The following GPR137B variants were observed in gnomAD, a reference collection of about 807,000 sequenced individuals.
The protein encoded by GPR137B is integral membrane protein GPR137B.
Under a neutral mutation model 42.5 loss-of-function variants are expected in GPR137B, and 42 were observed. The observed-to-expected ratio is 0.99, with a 90% CI of 0.77 to 1.28. The LOEUF (loss-of-function observed/expected upper bound fraction) is 1.28, where lower values mean the gene tolerates loss of function less well. Ranked by LOEUF, GPR137B falls within the 50% of genes most tolerant of loss-of-function variation. The pLI, the probability that GPR137B is intolerant of heterozygous loss-of-function variation, is 0.00. For synonymous variants in GPR137B, 218 were observed against 209.7 expected, an observed-to-expected ratio of 1.04 and a Z score of -0.34; for missense variants, 487 against 493.9, an observed-to-expected ratio of 0.99 and a Z score of 0.13.
chr1:236,178,036 G>T (rs1662738950), intron 2 of GPR137B, among the ~76,000 whole-genome samples: 1 of 152,174 alleles, frequency 6.6e-6, no homozygotes, highest in Admixed American at 6.5e-5. Flanking sequence ...TCAAGAGGTT[G>T]CATTTTGTCT....
chr1:236,146,223 G>C (rs577560316), intron 1 of GPR137B, among the ~76,000 whole-genome samples: 1 of 152,136 alleles, frequency 6.6e-6, no homozygotes, highest in South Asian at 2.1e-4. Flanking sequence ...CTCCTGGAGC[G>C]CAAAATCAGG....
At chr1:236,153,004 C>T (rs1369967745) in intron 1 of GPR137B, among the ~76,000 whole-genome samples, 4 of 150,362 alleles carry the variant, frequency 2.7e-5, no homozygotes, top group Non-Finnish European at 4.4e-5. Flanking sequence ...TGCAGTGAGC[C>T]GAGATGACAC....
chr1:236,177,715 C>T (rs552494666), intron 2 of GPR137B, among the ~76,000 whole-genome samples: 2 of 151,960 alleles, frequency 1.3e-5, no homozygotes, highest in African/African-American at 2.4e-5. Context: ...GCCACCACAC[C>T]CAGCTAATTT....
At chr1:236,185,429 G>A (rs1019234085) in intron 5 of GPR137B, among the ~76,000 whole-genome samples, 4 of 152,176 alleles carry the variant, frequency 2.6e-5, no homozygotes, top group Non-Finnish European at 4.4e-5. Context: ...CAGGGCGCTT[G>A]GTGTAAAGAT....
chr1:236,198,148 C>T (rs757261981), intron 5 of GPR137B, among the ~76,000 whole-genome samples: 11 of 152,100 alleles, frequency 7.2e-5, no homozygotes, highest in East Asian at 1.9e-4. Context: ...TGGCTATGCA[C>T]GATCTTTTTT....
intron 2 of GPR137B, among the ~76,000 whole-genome samples, chr1:236,176,123 G>A (rs958442053): frequency 2.0e-5 from 3 of 152,172 alleles, no homozygotes; most frequent in Non-Finnish European, 2.9e-5. Context: ...CCACAGTCTG[G>A]TGGGGAAGAG....
chr1:236,168,774 C>T lies in GPR137B; in HGVS notation c.464+19C>T, dbSNP rs1445657004. ...AATACCGGTAAGTACTGCAGGGCATCTCTTTCTGTGGTAGAAGGGGAAAGT... is the reference window on the plus strand; with the variant it reads ...AATACCGGTAAGTACTGCAGGGCATTTCTTTCTGTGGTAGAAGGGGAAAGT... On this transcript the variant is annotated intron_variant, in intron 2 of 6. Coordinates refer to ENST00000366592, the MANE Select transcript of GPR137B (RefSeq NM_003272.4). 3 of 1,554,722 alleles carry T rather than the reference C, an allele frequency of 1.9e-6. No homozygotes were observed. Among genetic ancestry groups the T allele is most frequent in the East Asian group, 2.2e-5 (1 of 44,562 alleles).
intron 5 of GPR137B, among the ~76,000 whole-genome samples, chr1:236,190,125 T>A: frequency 6.6e-6 from 1 of 151,230 alleles, no homozygotes; most frequent in Non-Finnish European, 1.5e-5. Context: ...TATCAGAGAT[T>A]AGGACTGCAA....
intron 5 of GPR137B, among the ~76,000 whole-genome samples, chr1:236,202,856 G>A (rs1663533579): frequency 6.6e-6 from 1 of 152,172 alleles, no homozygotes; most frequent in Non-Finnish European, 1.5e-5. Context: ...TTAGGTTTAA[G>A]TCTTTAATCC....
chr1:236,207,535 A>G (rs923941584), intron 6 of GPR137B, among the ~76,000 whole-genome samples: 1 of 152,226 alleles, frequency 6.6e-6, no homozygotes, highest in Non-Finnish European at 1.5e-5. Context: ...CCCCCTTTCT[A>G]CTACATAGAG....
At chr1:236,151,176 A>G (rs971043904) in intron 1 of GPR137B, among the ~76,000 whole-genome samples, 1 of 152,124 alleles carries the variant, frequency 6.6e-6, no homozygotes, top group Non-Finnish European at 1.5e-5. Flanking sequence ...TTCTCTCAGT[A>G]CAGAAATAGC....
In GPR137B at chr1:236,171,569, G is replaced by A. The variant is rs943365145; in HGVS notation, c.464+2814G>A. ...TAAAAAGCTTTCAACCTCTGAGCACGGGGACTGGGGTCTTCGGGTGAGAAG... is the reference window on the plus strand; with the variant it reads ...TAAAAAGCTTTCAACCTCTGAGCACAGGGACTGGGGTCTTCGGGTGAGAAG... On this transcript the variant is annotated intron_variant, in intron 2 of 6. Transcript: ENST00000366592. The surrounding 1 kb of genome is among the most constrained non-coding windows in gnomAD (Gnocchi z 4.4). 8.5e-5 allele frequency among the ~76,000 whole-genome samples: 13 copies of A among 152,214 alleles called. No homozygotes were observed. Among genetic ancestry groups the A allele is most frequent in the African/African-American group, 1.4e-4 (6 of 41,442 alleles).
At chr1:236,198,489 G>A (rs1383413539) in intron 5 of GPR137B, among the ~76,000 whole-genome samples, 3 of 152,168 alleles carry the variant, frequency 2.0e-5, no homozygotes, top group Non-Finnish European at 4.4e-5. Flanking sequence ...ACAGGTGTGA[G>A]CCACTGTATC....
chr1:236,154,478 C>T (rs1661957859), intron 1 of GPR137B, among the ~76,000 whole-genome samples: 1 of 151,894 alleles, frequency 6.6e-6, no homozygotes, highest in South Asian at 2.1e-4. Flanking sequence ...GGTTGCTGTT[C>T]CCGAAGGCCC....
intron 5 of GPR137B, among the ~76,000 whole-genome samples, chr1:236,185,504 A>C (rs1187065812): frequency 1.3e-5 from 2 of 152,218 alleles, no homozygotes; most frequent in Non-Finnish European, 1.5e-5. Context: ...GTACATTTTT[A>C]ATAAGCACTC....
At chr1:236,195,254 T>TC (rs1012952562) in intron 5 of GPR137B, among the ~76,000 whole-genome samples, 2 of 148,756 alleles carry the variant, frequency 1.3e-5, no homozygotes, top group Admixed American at 1.3e-4. Context: ...AACCATACTC[T>TC]CCCCCCGCCA....
intron 2 of GPR137B, among the ~76,000 whole-genome samples, chr1:236,170,039 CAAAA>C (rs11346365): frequency 0.043 from 1,568 of 36,726 alleles, 23 homozygotes; most frequent in South Asian, 0.2. Context: ...GAATCCATCT[CAAAA>C]AAAAAAAAAA....
chr1:236,147,875 A>T (rs1485679746), intron 1 of GPR137B, among the ~76,000 whole-genome samples: 2 of 152,246 alleles, frequency 1.3e-5, no homozygotes, highest in East Asian at 3.9e-4. Flanking sequence ...TCAGCCTGGG[A>T]ACATGGGGAG....
chr1:236,161,552 C>G (rs1662198022), intron 1 of GPR137B, among the ~76,000 whole-genome samples: 1 of 133,050 alleles, frequency 7.5e-6, no homozygotes, highest in South Asian at 2.3e-4. Context: ...CTTTTCACAC[C>G]TCCTGTTATG....
Sources: allele counts gnomAD v4.1 joint callset (sites outside exome capture counted in the v4.1 genomes callset), GRCh38; gene constraint gnomAD v4.1.1; non-coding constraint Gnocchi (gnomAD v3.1); transcripts MANE v1.5; gene names NCBI Gene and HGNC (gene_info 2026-07-23, HGNC 2026-07-21).